Variants in SBK1 observed in about 807,000 individuals in gnomAD.
The protein encoded by SBK1 is SH3 domain binding kinase 1, also known as serine/threonine-protein kinase SBK1.
A neutral mutation model predicts 24.4 loss-of-function variants in SBK1; 11 were observed. That is an observed-to-expected ratio of 0.45 (90% CI 0.28 to 0.75). The LOEUF (loss-of-function observed/expected upper bound fraction) is 0.75. Among genes scored for constraint, SBK1 ranks in the 30% least tolerant of loss-of-function variants. The pLI, the probability that SBK1 is intolerant of heterozygous loss-of-function variation, is 0.12. For missense variants in SBK1, 467 were observed against 620.5 expected (o/e 0.75, Z 2.63); for synonymous variants, 308 against 284.4 (o/e 1.08, Z -0.83).
chr16:28,305,529 C>CT (rs1165566007), intron 1 of SBK1, among the ~76,000 whole-genome samples: 1 of 146,822 alleles, frequency 6.8e-6, no homozygotes, highest in Non-Finnish European at 1.5e-5. Flanking sequence ...GTCTCTCTTT[C>CT]TTTGTTTCTT....
chr16:28,289,001 A>C (rs2044583213), upstream of SBK1, among the ~76,000 whole-genome samples: 1 of 152,208 alleles, frequency 6.6e-6, no homozygotes, highest in Non-Finnish European at 1.5e-5. Flanking sequence ...GGGTAATCAA[A>C]GCCCCAGATA....
intron 2 of SBK1, 35 bp from the exon 3 acceptor site, chr16:28,318,960 G>A (rs1381243073): frequency 1.9e-6 from 3 of 1,556,752 alleles, no homozygotes; most frequent in Admixed American, 1.7e-5. Context: ...CACTGGGAGA[G>A]GGGGCTTCAA....
rs928574569 is a variant in SBK1 at position 28,293,052 on chromosome 16, A to G, written c.-256A>G. 6 of 985,196 alleles carry G rather than the reference A, an allele frequency of 6.1e-6. No homozygotes were observed. The African/African-American group carries it at 8.7e-5, about 14-fold the overall frequency. The allele number at this position is 985,196 out of a possible 1,614,324, so 61.0% of individuals were successfully genotyped here. ...AACGCCCCTAGATCAGGGGATCCCA[A>G]TTCCCCCCAACTCCGGTACATAGAA... On this transcript the variant is annotated 5_prime_UTR_variant, in exon 1 of 4. Coordinates refer to ENST00000341901, the MANE Select transcript of SBK1 (RefSeq NM_001024401.3).
chr16:28,278,500 C>T (rs1275820847), intron 1 of SBK1, among the ~76,000 whole-genome samples: 2 of 152,116 alleles, frequency 1.3e-5, no homozygotes, highest in Non-Finnish European at 2.9e-5. Flanking sequence ...TGTCACCACG[C>T]CTGAGAAATT....
intron 1 of SBK1, among the ~76,000 whole-genome samples, chr16:28,314,412 C>CT (rs1343543072): frequency 6.6e-6 from 1 of 151,038 alleles, no homozygotes; most frequent in African/African-American, 2.4e-5. Context: ...TCACCTTGGC[C>CT]TCCCAGATTG....
chr16:28,306,143 C>A (rs1191962765), intron 1 of SBK1, among the ~76,000 whole-genome samples: 1 of 152,120 alleles, frequency 6.6e-6, no homozygotes, highest in Non-Finnish European at 1.5e-5. Context: ...GATCTAGCCC[C>A]AGGACTGTTG....
At chr16:28,307,912 A>T (rs1482826203) in intron 1 of SBK1, among the ~76,000 whole-genome samples, 1 of 152,182 alleles carries the variant, frequency 6.6e-6, no homozygotes, top group Non-Finnish European at 1.5e-5. Context: ...AATAGATTTA[A>T]TCCACAGTGG....
chr16:28,306,813 G>GTA, intron 1 of SBK1, among the ~76,000 whole-genome samples: 1 of 152,220 alleles, frequency 6.6e-6, no homozygotes, highest in Non-Finnish European at 1.5e-5. Context: ...CTACGTGTTT[G>GTA]GGAAATTGTA....
chr16:28,279,945 C>T (rs1597013920), intron 1 of SBK1, among the ~76,000 whole-genome samples: 2 of 151,364 alleles, frequency 1.3e-5, no homozygotes, highest in South Asian at 4.2e-4. Flanking sequence ...CATGGTTGCT[C>T]TGAAGGGTCC....
intron 1 of SBK1, 121 bp downstream of exon 1, chr16:28,293,421 G>A: frequency 2.8e-6 from 1 of 352,868 alleles, no homozygotes; most frequent in Non-Finnish European, 4.0e-6. Context: ...CCATGGAGCC[G>A]AGGCTGAAGG....
chr16:28,286,205 CTG>C (rs2044564291), intron 1 of SBK1: 1 of 152,432 alleles, frequency 6.6e-6, no homozygotes, highest in Non-Finnish European at 1.5e-5. Flanking sequence ...ATAACTTGGC[CTG>C]TGTCTTCCAG....
At chr16:28,311,485 G>A (rs2044754711) in intron 1 of SBK1, among the ~76,000 whole-genome samples, 1 of 151,990 alleles carries the variant, frequency 6.6e-6, no homozygotes, top group South Asian at 2.1e-4. Flanking sequence ...ATCGCTTGAG[G>A]CTAGGAGTTT....
intron 1 of SBK1, among the ~76,000 whole-genome samples, chr16:28,276,398 C>T (rs1431784740): frequency 5.9e-5 from 9 of 152,186 alleles, no homozygotes; most frequent in Non-Finnish European, 8.8e-5. Context: ...CTGCTGAGTG[C>T]CTCTCCAAGA....
chr16:28,271,523 C>T (rs992236329), intron 1 of SBK1, among the ~76,000 whole-genome samples: 10 of 152,152 alleles, frequency 6.6e-5, no homozygotes, highest in African/African-American at 2.2e-4. Flanking sequence ...CACCACTGCA[C>T]TCCAGGCTGG....
Position 28,318,333 on chromosome 16 carries a change from A to T in SBK1, c.227-662A>T, listed in dbSNP as rs2044812718. Among the ~76,000 whole-genome samples the T allele has an allele frequency of 1.3e-5, 2 of 152,230 alleles. 1 individual carries two copies. Among genetic ancestry groups the T allele is most frequent in the Admixed American group, 1.3e-4 (2 of 15,280 alleles). On this transcript the variant is annotated intron_variant, in intron 2 of 3. Transcript: ENST00000341901. Reference sequence around the variant, plus strand: ...TGTGCTAACTGAGGGCAGCAGGAGGAGCACCTAACATGGGGTCACCTGAGC... The same window carrying T: ...TGTGCTAACTGAGGGCAGCAGGAGGTGCACCTAACATGGGGTCACCTGAGC...
intron 1 of SBK1, among the ~76,000 whole-genome samples, chr16:28,267,755 T>C (rs76782384): frequency 0.023 from 3,501 of 152,282 alleles, 136 homozygotes; most frequent in African/African-American, 0.08. Context: ...GCCAAATCCC[T>C]GAAAGGTGCT....
chr16:28,279,865 C>T (rs1412366250), intron 1 of SBK1, among the ~76,000 whole-genome samples: 7 of 151,832 alleles, frequency 4.6e-5, no homozygotes, highest in African/African-American at 1.2e-4. Flanking sequence ...CGGGTGAGGA[C>T]GTCTTTGTAA....
At chr16:28,298,601 G>C (rs898135773) in intron 1 of SBK1, among the ~76,000 whole-genome samples, 1 of 152,264 alleles carries the variant, frequency 6.6e-6, no homozygotes, top group African/African-American at 2.4e-5. Context: ...AAGTGGATCT[G>C]TTGCAGATGA....
At chr16:28,313,120 T>A (rs998774077) in intron 1 of SBK1, among the ~76,000 whole-genome samples, 1 of 151,812 alleles carries the variant, frequency 6.6e-6, no homozygotes, top group Non-Finnish European at 1.5e-5. Flanking sequence ...TGTCTCAAAA[T>A]AAAATAAATA....
Sources: allele counts gnomAD v4.1 joint callset (sites outside exome capture counted in the v4.1 genomes callset), GRCh38; gene constraint gnomAD v4.1.1; transcripts MANE v1.5; gene names NCBI Gene and HGNC (gene_info 2026-07-23, HGNC 2026-07-21).